Variants in GPC6 observed in about 807,000 individuals in gnomAD.
The protein encoded by GPC6 is glypican-6.
In GPC6, 14 loss-of-function variants were observed where a neutral mutation model predicts 55.2. That is an observed-to-expected ratio of 0.25 (90% confidence interval 0.17 to 0.40). The LOEUF is 0.40. GPC6 is among the 10% of genes least tolerant of loss of function. The probability of loss-of-function intolerance (pLI) is 1.00; values close to 1 mark genes in which losing one functional copy is unlikely to be tolerated. For missense variants in GPC6, 641 were observed against 708.5 expected (o/e 0.90, Z 1.08); for synonymous variants, 278 against 259.6 (o/e 1.07, Z -0.68).
At chr13:93,829,910 G>A (rs1414941257) in intron 2 of GPC6, among the ~76,000 whole-genome samples, 3 of 152,172 alleles carry the variant, frequency 2.0e-5, no homozygotes, top group African/African-American at 2.4e-5. Flanking sequence ...TTTGGAGGAG[G>A]ATTACATGGT....
rs145986456 is a variant in GPC6, at chr13:94,395,591, T to C, written c.1290-2875T>C. Among the ~76,000 whole-genome samples the C allele has an allele frequency of 2.6e-5, 4 of 152,336 alleles. No homozygotes were observed. In the East Asian group the frequency reaches 7.7e-4, roughly 29 times the overall value. ...AATAGCTTAAATACCAAAGTTTCTC[T>C]GTGTAGTTCTTCTTTTGGAGGTTGA... On this transcript the variant is annotated intron_variant, in intron 7 of 8. Coordinates refer to ENST00000377047, the MANE Select transcript of GPC6 (RefSeq NM_005708.5).
At chr13:93,469,732 T>C (rs1686436776) in intron 1 of GPC6, among the ~76,000 whole-genome samples, 1 of 152,216 alleles carries the variant, frequency 6.6e-6, no homozygotes, top group South Asian at 2.1e-4. Context: ...ATTCTATGTT[T>C]AGATCTGTGA....
intron 2 of GPC6, among the ~76,000 whole-genome samples, chr13:93,726,041 A>AGG (rs1883623896): frequency 6.6e-6 from 1 of 151,604 alleles, no homozygotes; most frequent in Non-Finnish European, 1.5e-5. Context: ...ATCCATAGCT[A>AGG]TCATTCACTT....
At position 94,297,647 on chromosome 13, in the gene GPC6, C is replaced by A. The variant is rs547329733; in HGVS notation, c.1009-8333C>A. Among the ~76,000 whole-genome samples the A allele has an allele frequency of 6.6e-5, 10 of 152,326 alleles. No homozygotes were observed. In the East Asian group the frequency reaches 1.2e-3, roughly 18 times the overall value. On this transcript the variant is annotated intron_variant, in intron 5 of 8. Coordinates refer to ENST00000377047, the MANE Select transcript of GPC6 (RefSeq NM_005708.5). ...TTTAAGAAGTATGCAATACATCCGA[C>A]AGATATTCTGGAACCAAGCTGTGTG...
chr13:93,929,053 T>C (rs768471860), intron 3 of GPC6, among the ~76,000 whole-genome samples: 18 of 152,230 alleles, frequency 1.2e-4, no homozygotes, highest in South Asian at 4.1e-4. Flanking sequence ...CTGTGGAGTG[T>C]GCTTGTCATT....
At chr13:94,232,043 G>T (rs1353480366) in intron 4 of GPC6, among the ~76,000 whole-genome samples, 1 of 152,178 alleles carries the variant, frequency 6.6e-6, no homozygotes, top group Non-Finnish European at 1.5e-5. Flanking sequence ...TAGCTGTGGT[G>T]AATAGAGAAT....
At chr13:93,676,125 AAATAT>A (rs1259728016) in intron 2 of GPC6, among the ~76,000 whole-genome samples, 11 of 33,996 alleles carry the variant, frequency 3.2e-4, no homozygotes, top group Non-Finnish European at 5.0e-4. Flanking sequence ...AAAAAAAAAA[AAATAT>A]ATATATATAT....
chr13:94,271,582 C>T (rs1892027902), intron 4 of GPC6, among the ~76,000 whole-genome samples: 1 of 152,192 alleles, frequency 6.6e-6, no homozygotes, highest in African/African-American at 2.4e-5. Flanking sequence ...GTTTCCCCAA[C>T]CATTAAAGAG....
chr13:93,301,627 T>G (rs1486084241), intron 1 of GPC6, among the ~76,000 whole-genome samples: 1 of 152,222 alleles, frequency 6.6e-6, no homozygotes, highest in Non-Finnish European at 1.5e-5. Context: ...CCCATTTGAT[T>G]TTGGCAGGTA....
chr13:93,810,031 A>G (rs949342613), intron 2 of GPC6, among the ~76,000 whole-genome samples: 4 of 151,928 alleles, frequency 2.6e-5, no homozygotes, highest in Non-Finnish European at 5.9e-5. Flanking sequence ...CCATCCAAAA[A>G]ACTTTGTTCT....
At chr13:93,300,320 C>T (rs1012907002) in intron 1 of GPC6, among the ~76,000 whole-genome samples, 21 of 152,154 alleles carry the variant, frequency 1.4e-4, no homozygotes, top group African/African-American at 4.8e-4. Context: ...TTTTATTATT[C>T]GTAAATTCAG....
intron 2 of GPC6, among the ~76,000 whole-genome samples, chr13:93,685,803 T>C (rs1397635397): frequency 2.0e-5 from 3 of 152,130 alleles, no homozygotes; most frequent in Non-Finnish European, 4.4e-5. Flanking sequence ...TTATGAAAAA[T>C]ATTTTCTCAA....
intron 1 of GPC6, among the ~76,000 whole-genome samples, chr13:93,515,683 C>T (rs1056747999): frequency 1.3e-5 from 2 of 152,112 alleles, no homozygotes; most frequent in African/African-American, 4.8e-5. Context: ...AAAATATATT[C>T]ATTCTTACTA....
intron 2 of GPC6, among the ~76,000 whole-genome samples, chr13:93,688,617 C>T (rs148447764): frequency 1.3e-5 from 2 of 151,928 alleles, no homozygotes; most frequent in East Asian, 1.9e-4. Context: ...TGACAACATC[C>T]TACAATGTGG....
intron 3 of GPC6, among the ~76,000 whole-genome samples, chr13:94,019,653 A>G (rs1161781032): frequency 6.6e-6 from 1 of 152,112 alleles, no homozygotes; most frequent in Non-Finnish European, 1.5e-5. Flanking sequence ...GGACACTTTC[A>G]CTGGATTTAG....
intron 3 of GPC6, among the ~76,000 whole-genome samples, chr13:93,837,391 A>G (rs1376708539): frequency 6.6e-6 from 1 of 152,178 alleles, no homozygotes; most frequent in Non-Finnish European, 1.5e-5. Context: ...ACTGTATTGT[A>G]CCTATCGAAT....
At chr13:93,777,775 C>T (rs1196607959) in intron 2 of GPC6, among the ~76,000 whole-genome samples, 1 of 152,098 alleles carries the variant, frequency 6.6e-6, no homozygotes, top group African/African-American at 2.4e-5. Flanking sequence ...TGTATTTGTA[C>T]CTACATATAT....
intron 4 of GPC6, among the ~76,000 whole-genome samples, chr13:94,045,838 C>T (rs552430395): frequency 6.6e-6 from 1 of 151,600 alleles, no homozygotes; most frequent in Admixed American, 6.6e-5. Flanking sequence ...TAGCCCTGTA[C>T]GTTTCAGAAG....
At position 93,684,367 on chromosome 13, in the gene GPC6, T is replaced by C. The variant is rs143367108; in HGVS notation, c.319+138946T>C. On this transcript the variant is annotated intron_variant, in intron 2 of 8. Transcript: ENST00000377047. ...CGCCCGGCTAATTTTTCTGTATTTT[T>C]AGTAGAGGTGGGATTTCATCATGTT... Among the ~76,000 whole-genome samples the C allele has an allele frequency of 7.3e-3, 1,111 of 152,170 alleles. 11 individuals carry two copies. The highest frequency in any genetic ancestry group is 0.025 in the African/African-American group (1,033 of 41,516).
Sources: allele counts gnomAD v4.1 joint callset (sites outside exome capture counted in the v4.1 genomes callset), GRCh38; gene constraint gnomAD v4.1.1; transcripts MANE v1.5; gene names NCBI Gene and HGNC (gene_info 2026-07-23, HGNC 2026-07-21).